MAD1L1: variants seen among roughly 807,000 people sequenced by gnomAD.
The protein encoded by MAD1L1 is mitotic spindle assembly checkpoint protein MAD1.
In MAD1L1, 95 loss-of-function variants were observed where a neutral mutation model predicts 96.9. The observed-to-expected ratio is 0.98, with a 90% CI of 0.83 to 1.16. MAD1L1 has a LOEUF of 1.16. Among genes scored for constraint, MAD1L1 ranks in the 50% most tolerant of loss-of-function variants. The pLI is 0.00. For missense variants in MAD1L1, 1,007 were observed against 954.4 expected (o/e 1.06, Z -0.73); for synonymous variants, 473 against 396.6 (o/e 1.19, Z -2.29).
At chr7:1,933,055 GAC>G (rs1789571445) in intron 17 of MAD1L1, among the ~76,000 whole-genome samples, 1 of 152,326 alleles carries the variant, frequency 6.6e-6, no homozygotes, top group South Asian at 2.1e-4. Flanking sequence ...AGATCCAGGA[GAC>G]AGTTTTTGGA....
intron 14 of MAD1L1, among the ~76,000 whole-genome samples, chr7:1,986,127 G>A (rs1172425439): frequency 6.6e-6 from 1 of 152,202 alleles, no homozygotes; most frequent in Non-Finnish European, 1.5e-5. Context: ...GGACAGGCCT[G>A]CTTCCTTTTA....
intron 10 of MAD1L1, among the ~76,000 whole-genome samples, chr7:2,177,865 G>A (rs1055762836): frequency 2.6e-5 from 4 of 152,344 alleles, no homozygotes; most frequent in African/African-American, 9.6e-5. Context: ...GAGAAGGACT[G>A]CAGCCGACAT....
At chr7:1,878,194 G>A (rs905398783) in intron 18 of MAD1L1, among the ~76,000 whole-genome samples, 1 of 151,924 alleles carries the variant, frequency 6.6e-6, no homozygotes, top group South Asian at 2.1e-4. Flanking sequence ...GCTTCCCACA[G>A]AGAAAATGCC....
At chr7:1,890,741 C>T (rs370719437) in intron 18 of MAD1L1, among the ~76,000 whole-genome samples, 15 of 152,312 alleles carry the variant, frequency 9.8e-5, no homozygotes, top group African/African-American at 2.9e-4. Context: ...AGCTCTCCAT[C>T]GCTCAGCACC....
intron 18 of MAD1L1, among the ~76,000 whole-genome samples, chr7:1,887,565 G>A (rs1056014157): frequency 2.7e-4 from 41 of 151,122 alleles, no homozygotes; most frequent in South Asian, 8.4e-4. Context: ...GCAAGCATGC[G>A]TGTATGTGGC....
Position 1,957,994 on chromosome 7 carries a change from C to T in MAD1L1, c.1506-275G>A, listed in dbSNP as rs547075977. 1.1e-4 allele frequency among the ~76,000 whole-genome samples: 16 copies of T among 152,324 alleles called. No individual in the cohort carries two copies. In the South Asian group the frequency reaches 2.9e-3, roughly 28 times the overall value. Reference sequence around the variant, plus strand: ...CTGTCGACCACACCTTGGCTGGAAGCACAGAGGGAACCAGCCCGAGGCAGG... The same window carrying T: ...CTGTCGACCACACCTTGGCTGGAAGTACAGAGGGAACCAGCCCGAGGCAGG... On this transcript the variant is annotated intron_variant, in intron 15 of 18. Coordinates refer to ENST00000265854, the MANE Select transcript of MAD1L1 (RefSeq NM_001013836.2).
intron 10 of MAD1L1, among the ~76,000 whole-genome samples, chr7:2,207,776 G>A (rs1792678113): frequency 6.6e-6 from 1 of 152,216 alleles, no homozygotes; most frequent in Admixed American, 6.5e-5. Flanking sequence ...CTGTCAGTCA[G>A]AAGTACAGCT....
chr7:1,980,721 C>T (rs1478251406), intron 14 of MAD1L1, 180 bp from the exon 15 acceptor site: 13 of 702,630 alleles, frequency 1.9e-5, no homozygotes, highest in Non-Finnish European at 3.2e-5. Context: ...TCTAACTTTG[C>T]AAACTCAAGT....
At chr7:1,858,511 G>C (rs553153290) in intron 18 of MAD1L1, among the ~76,000 whole-genome samples, 2 of 152,216 alleles carry the variant, frequency 1.3e-5, no homozygotes, top group African/African-American at 4.8e-5. Context: ...CCCCACCTCT[G>C]CACACCTGAG....
intron 11 of MAD1L1, among the ~76,000 whole-genome samples, chr7:2,131,370 T>C (rs1788502505): frequency 6.6e-6 from 1 of 152,194 alleles, no homozygotes; most frequent in African/African-American, 2.4e-5. Context: ...AAATCAGTTC[T>C]ATTCATGGTG....
intron 14 of MAD1L1, among the ~76,000 whole-genome samples, chr7:1,982,693 T>TATC (rs1780961343): frequency 6.6e-6 from 1 of 152,208 alleles, no homozygotes; most frequent in Non-Finnish European, 1.5e-5. Flanking sequence ...ATACCTTGGG[T>TATC]TTCTTTCCCT....
chr7:2,023,411 T>C (rs1337274951), intron 12 of MAD1L1, among the ~76,000 whole-genome samples: 1 of 152,208 alleles, frequency 6.6e-6, no homozygotes, highest in East Asian at 1.9e-4. Flanking sequence ...ATTTGGAGAC[T>C]AAACAATCCA....
intron 11 of MAD1L1, among the ~76,000 whole-genome samples, chr7:2,089,668 C>T (rs1786107814): frequency 6.6e-6 from 1 of 151,560 alleles, no homozygotes; most frequent in Non-Finnish European, 1.5e-5. Flanking sequence ...CGGGGCCCAC[C>T]CCACACGCCC....
intron 12 of MAD1L1, among the ~76,000 whole-genome samples, chr7:2,030,377 C>G (rs1323484173): frequency 6.6e-6 from 1 of 152,234 alleles, no homozygotes; most frequent in African/African-American, 2.4e-5. Flanking sequence ...TAACAGAATG[C>G]AATTCTACTA....
At chr7:2,006,366 C>T (rs1004806869) in intron 13 of MAD1L1, among the ~76,000 whole-genome samples, 5 of 152,270 alleles carry the variant, frequency 3.3e-5, no homozygotes, top group Admixed American at 2.0e-4. Flanking sequence ...GGGGTGTCAG[C>T]CACAATGCGT....
At position 1,888,756 on chromosome 7, in the gene MAD1L1, T is replaced by G. The variant is rs1013202311; in HGVS notation, c.1998+9444A>C. ...GTGCATGGGTGGGCATGTGTGAGCATGCATGTGTGTGTGTGGTTTCATGTG... is the reference window on the plus strand; with the variant it reads ...GTGCATGGGTGGGCATGTGTGAGCAGGCATGTGTGTGTGTGGTTTCATGTG... On this transcript the variant is annotated intron_variant, in intron 18 of 18. Transcript: ENST00000265854. 2.7e-5 allele frequency among the ~76,000 whole-genome samples: 4 copies of G among 150,138 alleles called. 1 individual carries two copies. In the East Asian group the frequency reaches 7.8e-4, roughly 29 times the overall value.
At chr7:1,932,319 C>T (rs888922976) in intron 17 of MAD1L1, among the ~76,000 whole-genome samples, 1 of 152,162 alleles carries the variant, frequency 6.6e-6, no homozygotes, top group East Asian at 1.9e-4. Context: ...TCTGCTTCCG[C>T]GGCAGAAGCC....
At chr7:2,020,989 G>C (rs1199490796) in intron 12 of MAD1L1, among the ~76,000 whole-genome samples, 1 of 152,104 alleles carries the variant, frequency 6.6e-6, no homozygotes, top group African/African-American at 2.4e-5. Context: ...GCATAAATGA[G>C]CAAATGTAAA....
intron 12 of MAD1L1, among the ~76,000 whole-genome samples, chr7:2,027,049 C>A (rs1386337466): frequency 1.3e-5 from 2 of 151,672 alleles, no homozygotes; most frequent in Non-Finnish European, 2.9e-5. Context: ...AACTAGAGAT[C>A]ACAAAAATAT....
Sources: gnomAD v4.1 joint callset for allele counts (sites outside exome capture counted in the v4.1 genomes callset) on GRCh38, gnomAD v4.1.1 for gene constraint, MANE v1.5 for transcripts, NCBI Gene and HGNC (gene_info 2026-07-23, HGNC 2026-07-21) for gene names.